The following GPHN variants were observed in gnomAD, a reference collection of about 807,000 sequenced individuals.
GPHN encodes gephyrin.
In GPHN, 17 loss-of-function variants were observed where a neutral mutation model predicts 95.5. The observed-to-expected ratio is 0.18, with a 90% CI of 0.12 to 0.27. GPHN has a LOEUF of 0.27. Among genes scored for constraint, GPHN ranks in the 10% least tolerant of loss-of-function variants. The probability of loss-of-function intolerance (pLI) is 1.00; values close to 1 mark genes in which losing one functional copy is unlikely to be tolerated. For synonymous variants in GPHN, 320 were observed against 322.5 expected, an observed-to-expected ratio of 0.99 and a Z score of 0.08; for missense variants, 660 against 978.1, an observed-to-expected ratio of 0.67 and a Z score of 4.34.
the GPHN span, chr14:67,582,056 C>T: frequency 6.2e-7 from 1 of 1,604,100 alleles, no homozygotes; most frequent in Non-Finnish European, 8.5e-7. This position sits in a 1 kb window ranked among gnomAD's most constrained non-coding sequence, Gnocchi z 5.0. Context: ...GTTTCTTATT[C>T]TCTTCTTTGT....
rs542562166 is a variant in GPHN, at chr14:66,891,133, G to T, written c.389+11100G>T. Among the ~76,000 whole-genome samples, 3 of 151,644 alleles carry T rather than the reference G, an allele frequency of 2.0e-5. No homozygotes were observed. In the South Asian group the frequency reaches 6.3e-4, roughly 32 times the overall value. On this transcript the variant is annotated intron_variant, in intron 5 of 22. Transcript: ENST00000478722. The stretch of plus-strand genomic sequence containing the variant: ...AGGTATCCAAATTGGAAAGGAAGAA[G>T]TAAACCTATCTTTTTTTTTTTGACA...
the GPHN span, among the ~76,000 whole-genome samples, chr14:67,711,936 T>G: frequency 3.0e-4 from 46 of 152,310 alleles, 1 homozygote; most frequent in African/African-American, 1.1e-3. Context: ...TCTTTTTTTT[T>G]GAGACGGAGT....
intron 4 of GPHN, among the ~76,000 whole-genome samples, chr14:66,872,820 G>A (rs1040759059): frequency 5.9e-5 from 9 of 151,682 alleles, no homozygotes; most frequent in African/African-American, 2.2e-4. Flanking sequence ...ACTTGAACCC[G>A]GGAGACGGAG....
chr14:66,806,011 G>A (rs1412632709), intron 3 of GPHN, among the ~76,000 whole-genome samples: 1 of 152,204 alleles, frequency 6.6e-6, no homozygotes, highest in Non-Finnish European at 1.5e-5. Flanking sequence ...TCTGCATGAG[G>A]TCCCCACCCC....
At chr14:67,071,210 A>G (rs1000076487) in intron 11 of GPHN, among the ~76,000 whole-genome samples, 1 of 152,200 alleles carries the variant, frequency 6.6e-6, no homozygotes, top group Non-Finnish European at 1.5e-5. Context: ...ACTATTCACA[A>G]TAGCAAAGAC....
intron 1 of GPHN, among the ~76,000 whole-genome samples, chr14:66,561,548 G>T (rs770736045): frequency 6.6e-6 from 1 of 152,026 alleles, no homozygotes; most frequent in African/African-American, 2.4e-5. Context: ...AAGGAAATTG[G>T]TGCCCAGATG....
At chr14:66,896,401 T>C (rs1194530507) in intron 5 of GPHN, among the ~76,000 whole-genome samples, 1 of 152,076 alleles carries the variant, frequency 6.6e-6, no homozygotes, top group African/African-American at 2.4e-5. Flanking sequence ...GGCTGATCAC[T>C]TGAGTCCAGA....
chr14:67,426,251 G>A, the GPHN span, among the ~76,000 whole-genome samples: 3 of 152,286 alleles, frequency 2.0e-5, no homozygotes, highest in Middle Eastern at 3.4e-3. Flanking sequence ...TGTGTGGTCC[G>A]ACAGGATCTC....
chr14:67,205,802 G>A, the GPHN span, among the ~76,000 whole-genome samples: 1 of 152,194 alleles, frequency 6.6e-6, no homozygotes, highest in Non-Finnish European at 1.5e-5. Context: ...AAGGAGCTGT[G>A]TTTTTAAAAG....
At chr14:66,853,900 A>G (rs2062696126) in intron 4 of GPHN, among the ~76,000 whole-genome samples, 1 of 152,214 alleles carries the variant, frequency 6.6e-6, no homozygotes, top group Non-Finnish European at 1.5e-5. Context: ...AAAGCATGGC[A>G]ATTAGCTAGA....
chr14:66,688,906 G>A (rs1489586648), intron 2 of GPHN, among the ~76,000 whole-genome samples: 1 of 149,476 alleles, frequency 6.7e-6, no homozygotes, highest in Non-Finnish European at 1.5e-5. Context: ...ACACACCGGG[G>A]CCTGTCGGGG....
the GPHN span, among the ~76,000 whole-genome samples, chr14:67,508,988 T>A: frequency 3.9e-5 from 6 of 151,920 alleles, no homozygotes; most frequent in Non-Finnish European, 7.4e-5. Context: ...GCCCAGAAAC[T>A]AGGTTGGAGG....
the GPHN span, chr14:67,382,400 G>A: frequency 6.5e-7 from 1 of 1,532,294 alleles, no homozygotes. Flanking sequence ...AATAGTTGTG[G>A]GTTCTGTAGG....
rs2068050398 is a variant in GPHN at position 66,695,504 on chromosome 14, CT to C, written c.143+14321del. Among the ~76,000 whole-genome samples the C allele has an allele frequency of 2.0e-5, 3 of 152,114 alleles. No individual in the cohort carries two copies. The South Asian group carries it at 6.2e-4, about 31-fold the overall frequency. On this transcript the variant is annotated intron_variant, in intron 2 of 22. Coordinates refer to ENST00000478722, the MANE Select transcript of GPHN (RefSeq NM_020806.5). ...AACATGCATTCCAGCAGTTTTGCCC[CT>C]TGGTATTTATCCAAATGTGTTGAAA...
chr14:67,143,570 TG>T, intron 18 of GPHN, 121 bp downstream of exon 18: 1 of 762,314 alleles, frequency 1.3e-6, no homozygotes, highest in Non-Finnish European at 2.4e-6. Context: ...TGAAAATCCA[TG>T]GGGCTTCAGA....
At chr14:67,466,266 C>T in the GPHN span, among the ~76,000 whole-genome samples, 4 of 152,262 alleles carry the variant, frequency 2.6e-5, no homozygotes, top group African/African-American at 4.8e-5. Context: ...GGATCTCCTT[C>T]TCTGTAATGT....
At chr14:67,154,216 C>G (rs934044272) in intron 18 of GPHN, among the ~76,000 whole-genome samples, 10 of 152,118 alleles carry the variant, frequency 6.6e-5, no homozygotes, top group African/African-American at 2.4e-4. Flanking sequence ...TTGTATGTCC[C>G]TTCTCTGGAA....
chr14:67,418,863 T>G, the GPHN span, among the ~76,000 whole-genome samples: 1 of 152,126 alleles, frequency 6.6e-6, no homozygotes, highest in Admixed American at 6.5e-5. Flanking sequence ...ACCTCCCTGT[T>G]CCACTGAAAA....
At chr14:67,088,868 G>A (rs2077014298) in intron 11 of GPHN, 115 bp from the exon 12 acceptor site, 1 of 713,536 alleles carries the variant, frequency 1.4e-6, no homozygotes, top group East Asian at 2.6e-5. Context: ...CAGGAGTTCT[G>A]ACTGAGCCCA....
Sources: gnomAD v4.1 joint callset for allele counts (sites outside exome capture counted in the v4.1 genomes callset) on GRCh38, gnomAD v4.1.1 for gene constraint, Gnocchi (gnomAD v3.1) non-coding constraint, MANE v1.5 for transcripts, NCBI Gene and HGNC (gene_info 2026-07-23, HGNC 2026-07-21) for gene names.